The following MRTFB variants were observed in gnomAD, a reference collection of about 807,000 sequenced individuals.
MRTFB encodes the protein myocardin-related transcription factor B.
MRTFB carries 29 observed loss-of-function variants against 104.2 expected under a neutral mutation model. That is an observed-to-expected ratio of 0.28 (90% CI 0.21 to 0.38). MRTFB has a LOEUF of 0.38. MRTFB is among the 10% of genes least tolerant of loss of function. The probability of loss-of-function intolerance (pLI) is 1.00; values close to 1 mark genes in which losing one functional copy is unlikely to be tolerated. For missense variants in MRTFB, 1,270 were observed against 1,341.6 expected (o/e 0.95, Z 0.83); for synonymous variants, 535 against 519.5 (o/e 1.03, Z -0.41).
chr16:14,200,385 C>T lies in MRTFB; in HGVS notation c.155-9858C>T, dbSNP rs778081485. On this transcript the variant is annotated intron_variant, in intron 3 of 16. Coordinates refer to ENST00000571589, the MANE Select transcript of MRTFB (RefSeq NM_001308142.2). ...TTGCAGCAGGATAGTAATGATGACA[C>T]TAAAGATGTTTCACTGTTTGATGCG... The T allele has an allele frequency of 7.7e-5, 124 of 1,607,668 alleles. 1 individual carries two copies. In the Admixed American group the frequency reaches 2.0e-3, roughly 26 times the overall value.
chr16:14,240,445 A>G lies in MRTFB; in HGVS notation c.1040A>G (p.Gln347Arg), dbSNP rs2042714976. ...LQLQILSQQK[Q>R]HYNYQTILPA... ...CTGCAGATCCTGAGTCAGCAGAAGC[A>G]GCACTACAACTACCAGACCATCCTG... is the stretch of plus-strand genomic sequence containing the variant. Residue 347 changes from glutamine (Q) to arginine (R), a missense_variant, in exon 10 of 17, where the codon CAG becomes CGG. Physicochemically the swap from Gln to Arg is conservative, Grantham distance 43. This residue lies in a region of MRTFB where 1,144 missense variants were observed against 1,131.5 expected (regional missense o/e 1.01). Coordinates refer to ENST00000571589, the MANE Select transcript of MRTFB (RefSeq NM_001308142.2). The G allele has an allele frequency of 6.2e-7, 1 of 1,614,142 alleles. No individual in the cohort carries two copies.
At chr16:14,107,999 C>T (rs747633664) in intron 2 of MRTFB, among the ~76,000 whole-genome samples, 2 of 152,140 alleles carry the variant, frequency 1.3e-5, no homozygotes, top group Non-Finnish European at 2.9e-5. Flanking sequence ...CCTATCACTG[C>T]GTCTCTACCA....
the MRTFB span, among the ~76,000 whole-genome samples, chr16:14,017,299 G>GC: frequency 1.3e-5 from 2 of 151,204 alleles, no homozygotes; most frequent in African/African-American, 2.4e-5. Context: ...CTTGTGATCC[G>GC]CCCCCCTCGG....
chr16:14,171,407 C>T (rs1194378728), intron 3 of MRTFB, among the ~76,000 whole-genome samples: 3 of 151,866 alleles, frequency 2.0e-5, no homozygotes, highest in Non-Finnish European at 4.4e-5. Flanking sequence ...AGGCAGAAGA[C>T]TCTCTTGAAC....
intron 2 of MRTFB, among the ~76,000 whole-genome samples, chr16:14,109,726 C>A (rs977216467): frequency 6.6e-5 from 10 of 152,170 alleles, no homozygotes; most frequent in African/African-American, 2.4e-4. Context: ...AAACTTCTTT[C>A]AAAGTTCTGA....
chr16:14,095,393 A>C (rs989816454), intron 2 of MRTFB, among the ~76,000 whole-genome samples: 3 of 152,222 alleles, frequency 2.0e-5, no homozygotes, highest in Non-Finnish European at 2.9e-5. Context: ...TGGGCAAGTT[A>C]CTTAAGCTTG....
the MRTFB span, among the ~76,000 whole-genome samples, chr16:14,053,740 A>G: frequency 1.3e-5 from 2 of 151,854 alleles, no homozygotes; most frequent in Non-Finnish European, 2.9e-5. Context: ...AAAAAAAAAA[A>G]AAAAAAATAG....
In MRTFB at chr16:14,163,687, G is replaced by A. The variant is rs183896028; in HGVS notation, c.154+22927G>A. On this transcript the variant is annotated intron_variant, in intron 3 of 16. Transcript: ENST00000571589. ...TCTCTACTAAAAATACAAAAAATTA[G>A]CCAGGTGTGGTGGCGGGCACCTGTA... Among the ~76,000 whole-genome samples the A allele has an allele frequency of 3.2e-4, 49 of 152,072 alleles. No individual in the cohort carries two copies. In the East Asian group the frequency reaches 7.5e-3, roughly 23 times the overall value.
the MRTFB span, chr16:14,016,073 C>T: frequency 2.5e-6 from 1 of 398,172 alleles, no homozygotes; most frequent in Non-Finnish European, 4.4e-6. Context: ...GGTGGACCCA[C>T]TGCTCTGTTT....
At chr16:14,179,802 C>T (rs1210365804) in intron 3 of MRTFB, among the ~76,000 whole-genome samples, 2 of 152,214 alleles carry the variant, frequency 1.3e-5, no homozygotes, top group Non-Finnish European at 1.5e-5. Flanking sequence ...TGCTAGTCAG[C>T]GTGGTCCATA....
chr16:14,259,181 T>C (rs1459850024), intron 16 of MRTFB, among the ~76,000 whole-genome samples: 1 of 152,234 alleles, frequency 6.6e-6, no homozygotes, highest in Non-Finnish European at 1.5e-5. Context: ...ATGCCTATAA[T>C]CCCAGCACTT....
intron 3 of MRTFB, among the ~76,000 whole-genome samples, chr16:14,147,975 A>C (rs981323641): frequency 6.6e-6 from 1 of 152,202 alleles, no homozygotes; most frequent in African/African-American, 2.4e-5. Flanking sequence ...CAACTTTTCT[A>C]TAGTTACTGA....
chr16:14,194,836 C>A (rs190517859), intron 3 of MRTFB, among the ~76,000 whole-genome samples: 1 of 151,768 alleles, frequency 6.6e-6, no homozygotes, highest in Admixed American at 6.6e-5. Context: ...TGGTACCCGC[C>A]ATGTAGGGTT....
At chr16:14,122,855 G>A (rs9939111) in intron 2 of MRTFB, among the ~76,000 whole-genome samples, 17,520 of 152,128 alleles carry the variant, frequency 0.12, 2,242 homozygotes, top group African/African-American at 0.32. Flanking sequence ...AGATCCTTGA[G>A]GAATCACCAC....
At chr16:14,048,225 C>T in the MRTFB span, among the ~76,000 whole-genome samples, 2 of 152,162 alleles carry the variant, frequency 1.3e-5, no homozygotes, top group South Asian at 2.1e-4. Flanking sequence ...AGGTGGGTTC[C>T]CATGGTCTTG....
At chr16:14,010,544 T>C in the MRTFB span, among the ~76,000 whole-genome samples, 1 of 152,176 alleles carries the variant, frequency 6.6e-6, no homozygotes, top group Non-Finnish European at 1.5e-5. Flanking sequence ...CAAGTGATCC[T>C]CCCACTTCAG....
intron 3 of MRTFB, among the ~76,000 whole-genome samples, chr16:14,196,964 C>CTTTTTTTTTTTT (rs35259229): frequency 3.9e-5 from 4 of 103,184 alleles, no homozygotes; most frequent in Admixed American, 1.3e-4. Context: ...TCTCTTTTTT[C>CTTTTTTTTTTTT]TTTTTTTTTT....
intron 3 of MRTFB, chr16:14,186,933 A>C (rs774626155): frequency 2.5e-6 from 4 of 1,598,226 alleles, no homozygotes; most frequent in South Asian, 1.1e-5. Flanking sequence ...TAGCTCCAAG[A>C]AGCAGCAACA....
At chr16:14,172,862 T>C (rs1344778302) in intron 3 of MRTFB, among the ~76,000 whole-genome samples, 1 of 152,214 alleles carries the variant, frequency 6.6e-6, no homozygotes, top group East Asian at 1.9e-4. Flanking sequence ...TTTGAACTTT[T>C]CAATTTTTAG....
Sources: allele counts gnomAD v4.1 joint callset (sites outside exome capture counted in the v4.1 genomes callset), GRCh38; gene constraint gnomAD v4.1.1; regional missense constraint gnomAD v4.1.1; transcripts MANE v1.5; gene names NCBI Gene and HGNC (gene_info 2026-07-23, HGNC 2026-07-21).